KIF26A: variants seen among roughly 807,000 people sequenced by gnomAD.
KIF26A encodes the protein kinesin family member 26A.
A neutral mutation model predicts 126.0 loss-of-function variants in KIF26A; 74 were observed. The observed-to-expected ratio is 0.59, with a 90% CI of 0.49 to 0.71. KIF26A has a LOEUF of 0.71. Ranked by LOEUF, KIF26A falls within the 30% of genes least tolerant of loss-of-function variation. The probability of loss-of-function intolerance (pLI) is 0.00; values close to 1 mark genes in which losing one functional copy is unlikely to be tolerated. For missense variants in KIF26A, 2,984 were observed against 2,763.3 expected, an observed-to-expected ratio of 1.08 and a Z score of -1.79; for synonymous variants, 1,445 against 1,232.7, an observed-to-expected ratio of 1.17 and a Z score of -3.61.
chr14:104,160,861 G>A (rs2039895), intron 4 of KIF26A, among the ~76,000 whole-genome samples: 69,751 of 152,068 alleles, frequency 0.46, 16,050 homozygotes, highest in Middle Eastern at 0.51. Flanking sequence ...GCTAAGGGAG[G>A]TTGCTTCCAT....
At chr14:104,160,871 T>C (rs1211554557) in intron 4 of KIF26A, among the ~76,000 whole-genome samples, 1 of 152,150 alleles carries the variant, frequency 6.6e-6, no homozygotes, top group Non-Finnish European at 1.5e-5. Flanking sequence ...GTTGCTTCCA[T>C]TGGGTGGGGA....
intron 4 of KIF26A, among the ~76,000 whole-genome samples, chr14:104,165,200 T>C (rs554838671): frequency 0.035 from 4,756 of 136,246 alleles, 84 homozygotes; most frequent in South Asian, 0.046. Flanking sequence ...TGCATGTGTG[T>C]GTCTGTGTCT....
chr14:104,172,965 C>A lies in KIF26A; in HGVS notation c.1421-12C>A. 6.3e-7 allele frequency: 1 copy of A among 1,577,812 alleles called. No individual in the cohort carries two copies. Among genetic ancestry groups the A allele is most frequent in the Non-Finnish European group, 8.6e-7 (1 of 1,159,034 alleles). The stretch of plus-strand genomic sequence containing the variant: ...GGTGTGTGGTGGGGCCTGACGCCTG[C>A]GTGGCCCCCAGGCAAGTCGTACACC... On this transcript the variant is annotated splice_polypyrimidine_tract_variant and intron_variant, in intron 7 of 14. Coordinates refer to ENST00000423312, the MANE Select transcript of KIF26A (RefSeq NM_015656.2).
At position 104,178,725 on chromosome 14, in the gene KIF26A, C is replaced by T. The variant is rs1371823781; in HGVS notation, c.5286C>T (p.Pro1762=). 6.5e-7 allele frequency: 1 copy of T among 1,550,340 alleles called. No individual in the cohort carries two copies. The highest frequency in any genetic ancestry group is 1.4e-5 in the African/African-American group (1 of 73,386). ...EIDDVERLQR[P]RPTPREAPTQ... ...ATGACGTGGAGCGCCTTCAGCGGCCCCGCCCCACCCCGAGGGAGGCCCCCA... is the reference window on the plus strand; with the variant it reads ...ATGACGTGGAGCGCCTTCAGCGGCCTCGCCCCACCCCGAGGGAGGCCCCCA... The change falls in exon 13 of 15, where the codon CCC becomes CCT. Residue 1762 remains proline, a synonymous_variant. Transcript: ENST00000423312.
At position 104,176,824 on chromosome 14, in the gene KIF26A, C is replaced by A; in HGVS notation, c.4036C>A (p.Leu1346Met). 6.4e-7 allele frequency: 1 copy of A among 1,554,260 alleles called. No homozygotes were observed. The highest frequency in any genetic ancestry group is 1.2e-5 in the South Asian group (1 of 83,850). The change falls in exon 12 of 15, where the codon CTG (leucine) becomes ATG (methionine). Residue 1346 changes from leucine to methionine, a missense_variant. Transcript: ENST00000423312. ...LKASPTSKKG[L>M]APKAGFLPRP... is the part of the protein sequence containing the mutation. ...GGCCTCCCCCACCAGCAAGAAGGGT[C>A]TGGCTCCCAAGGCGGGCTTCCTCCC...
chr14:104,143,032 C>T (rs972362044), intron 2 of KIF26A, among the ~76,000 whole-genome samples: 4 of 152,244 alleles, frequency 2.6e-5, no homozygotes, highest in African/African-American at 7.2e-5. Flanking sequence ...TGCTGACAGA[C>T]ACGTCATGTG....
chr14:104,143,460 ACTCCTGCCAGCTTTTCGTTC>A (rs984851581), intron 2 of KIF26A, among the ~76,000 whole-genome samples: 37 of 151,580 alleles, frequency 2.4e-4, no homozygotes, highest in East Asian at 1.9e-4. Context: ...ACTGGAGGTG[ACTCCTGCCAGCTTTTCGTTC>A]CTCCTGCCAG....
chr14:104,141,841 C>T (rs1269215605), intron 2 of KIF26A, among the ~76,000 whole-genome samples: 1 of 152,236 alleles, frequency 6.6e-6, no homozygotes, highest in African/African-American at 2.4e-5. Context: ...AGGCAGCTCC[C>T]CTGAGCAGGT....
At position 104,151,163 on chromosome 14, in the gene KIF26A, C is replaced by T. The variant is rs1036303030; in HGVS notation, c.289-852C>T. Among the ~76,000 whole-genome samples, 2 of 152,234 alleles carry T rather than the reference C, an allele frequency of 1.3e-5. No individual in the cohort carries two copies. Among genetic ancestry groups the T allele is most frequent in the African/African-American group, 2.4e-5 (1 of 41,462 alleles). ...TTGTCTCCTTCTTGCTCCTCCTCCT[C>T]TTCCTGGAAGATGTCACTGCCTCCA... is the stretch of plus-strand genomic sequence containing the variant. On this transcript the variant is annotated intron_variant, in intron 2 of 14. Coordinates refer to ENST00000423312, the MANE Select transcript of KIF26A (RefSeq NM_015656.2). The surrounding 1 kb of genome is among the most constrained non-coding windows in gnomAD (Gnocchi z 4.9).
At chr14:104,145,393 C>A (rs1025839922) in intron 2 of KIF26A, among the ~76,000 whole-genome samples, 1 of 152,228 alleles carries the variant, frequency 6.6e-6, no homozygotes, top group Non-Finnish European at 1.5e-5. Context: ...CTGTCCCCGA[C>A]CCCAGCAGCA....
At position 104,152,307 on chromosome 14, in the gene KIF26A, G is replaced by T; in HGVS notation, c.581G>T (p.Gly194Val). ...PGRAGPDRTK[G>V]LAWSPGPSVQ... Reference sequence around the variant, plus strand: ...CGAGCTGGGCCAGACAGGACCAAGGGGCTGGCCTGGTCCCCCGGGCCCAGT... The same window carrying T: ...CGAGCTGGGCCAGACAGGACCAAGGTGCTGGCCTGGTCCCCCGGGCCCAGT... Residue 194 changes from glycine to valine, a missense_variant, in exon 3 of 15, where the codon GGG becomes GTG. Transcript: ENST00000423312. This position sits in a 1 kb window ranked among gnomAD's most constrained non-coding sequence, Gnocchi z 5.9. 1 of 1,583,968 alleles carries T rather than the reference G, an allele frequency of 6.3e-7. No individual in the cohort carries two copies.
In KIF26A at chr14:104,173,268, G is replaced by A. The variant is rs2037979179; in HGVS notation, c.1683+29G>A. The A allele has an allele frequency of 1.9e-6, 3 of 1,602,314 alleles. No individual in the cohort carries two copies. In the South Asian group the frequency reaches 3.3e-5, roughly 18 times the overall value. On this transcript the variant is annotated intron_variant, in intron 8 of 14. Coordinates refer to ENST00000423312, the MANE Select transcript of KIF26A (RefSeq NM_015656.2). ...CGCCTGCCTACTGTCCCACCTTGGGGGAGGGGGGCTGCACTTGGCCCTGAG... is the reference window on the plus strand; with the variant it reads ...CGCCTGCCTACTGTCCCACCTTGGGAGAGGGGGGCTGCACTTGGCCCTGAG...
At chr14:104,167,246 G>C (rs1380370972) in intron 5 of KIF26A, among the ~76,000 whole-genome samples, 198 bp downstream of exon 5, 3 of 152,080 alleles carry the variant, frequency 2.0e-5, no homozygotes, top group Non-Finnish European at 2.9e-5. Flanking sequence ...GGGACTGCCG[G>C]GATGGGAGGG....
At chr14:104,141,655 CG>C (rs1304513183) in intron 2 of KIF26A, among the ~76,000 whole-genome samples, 6 of 146,708 alleles carry the variant, frequency 4.1e-5, no homozygotes, top group Non-Finnish European at 5.9e-5. Flanking sequence ...CGTAGAGGGT[CG>C]GGGCCCAGCC....
intron 4 of KIF26A, among the ~76,000 whole-genome samples, chr14:104,165,537 G>C (rs1297803154): frequency 2.1e-5 from 3 of 140,716 alleles, no homozygotes; most frequent in Admixed American, 6.8e-5. Flanking sequence ...GTATCTTTGT[G>C]TCTATGCGTG....
Position 104,139,050 on chromosome 14 carries a change from A to C in KIF26A, c.50A>C (p.Glu17Ala). The stretch of plus-strand genomic sequence containing the variant: ...CGCCCCCACACCCTGCAGGTGGCCG[A>C]GGGCGGCCCGGCCCGCGAGCCGCCG... ...PLCAAQPAVA[E>A]GGPAREPPPL... Residue 17 changes from glutamate to alanine, a missense_variant, in exon 2 of 15, where the codon GAG (glutamate) becomes GCG (alanine). Glu to Ala is a moderately radical substitution (Grantham distance 107). Transcript: ENST00000423312. 1 of 1,367,920 alleles carries C rather than the reference A, an allele frequency of 7.3e-7. No individual in the cohort carries two copies. The highest frequency in any genetic ancestry group is 9.4e-7 in the Non-Finnish European group (1 of 1,069,016). 84.7% of individuals were successfully genotyped at this position (1,367,920 alleles called of 1,614,324 possible).
chr14:104,160,549 C>T (rs777334671), intron 4 of KIF26A, among the ~76,000 whole-genome samples: 2 of 152,236 alleles, frequency 1.3e-5, no homozygotes, highest in Non-Finnish European at 2.9e-5. Context: ...TGAGGCAGCG[C>T]AGCTGTGACA....
chr14:104,176,214 C>A lies in KIF26A; in HGVS notation c.3426C>A (p.Asp1142Glu), dbSNP rs755797043. ...RFSPDSLAGL[D>E]PGGPPALDGS... is the part of the protein sequence containing the mutation. Reference sequence around the variant, plus strand: ...GCCCCGACTCGCTGGCAGGGCTTGACCCTGGGGGCCCCCCTGCCCTGGATG... The same window carrying A: ...GCCCCGACTCGCTGGCAGGGCTTGAACCTGGGGGCCCCCCTGCCCTGGATG... The change falls in exon 12 of 15, where the codon GAC becomes GAA. Residue 1142 changes from aspartate (D) to glutamate (E), a missense_variant. By Grantham distance (45) the Asp-to-Glu change is conservative. Transcript: ENST00000423312. 1.9e-6 allele frequency: 3 copies of A among 1,601,004 alleles called. No individual in the cohort carries two copies. Among genetic ancestry groups the A allele is most frequent in the South Asian group, 1.1e-5 (1 of 88,774 alleles).
chr14:104,172,906 C>T (rs1335338887), intron 7 of KIF26A, 71 bp from the exon 8 acceptor site: 7 of 1,461,412 alleles, frequency 4.8e-6, no homozygotes, highest in African/African-American at 2.8e-5. Context: ...GGTTGGCCCC[C>T]GGGGACGCCA....
Sources: allele counts gnomAD v4.1 joint callset (sites outside exome capture counted in the v4.1 genomes callset), GRCh38; gene constraint gnomAD v4.1.1; non-coding constraint Gnocchi (gnomAD v3.1); transcripts MANE v1.5; gene names NCBI Gene and HGNC (gene_info 2026-07-23, HGNC 2026-07-21).